KBTBD11: variants seen among roughly 807,000 people sequenced by gnomAD.
KBTBD11 encodes kelch repeat and BTB domain-containing protein 11.
For synonymous variants in KBTBD11, 747 were observed against 499.0 expected, an observed-to-expected ratio of 1.50 and a Z score of -6.63; for missense variants, 1,390 against 1,001.8, an observed-to-expected ratio of 1.39 and a Z score of -5.23.
intron 1 of KBTBD11, among the ~76,000 whole-genome samples, chr8:1,993,958 C>CACAAAAAAAAAAAA (rs1554527404): frequency 6.8e-6 from 1 of 148,134 alleles, no homozygotes; most frequent in East Asian, 2.0e-4. Context: ...CACACACACA[C>CACAAAAAAAAAAAA]AAAACCCCAT....
chr8:1,974,666 A>G, intron 1 of KBTBD11: 1 of 985,138 alleles, frequency 1.0e-6, no homozygotes, highest in Non-Finnish European at 1.2e-6. Flanking sequence ...CCCCCGCCCC[A>G]TGTGCTGGGG....
Position 2,004,215 on chromosome 8 carries a change from C to T in KBTBD11, c.*1151C>T, listed in dbSNP as rs745922355. The T allele has an allele frequency of 1.8e-5, 3 of 166,940 alleles. No homozygotes were observed. The highest frequency in any genetic ancestry group is 4.4e-5 in the Non-Finnish European group (3 of 68,120). The allele number at this position is 166,940 out of a possible 1,614,324, so 10.3% of individuals were successfully genotyped here. ...TATTTAATTGTATTGAATTGAGTTC[C>T]AAAATACCCTAATAGAATTAACACG... On this transcript the variant is annotated 3_prime_UTR_variant, in exon 2 of 2. Coordinates refer to ENST00000320248, the MANE Select transcript of KBTBD11 (RefSeq NM_014867.3).
rs970869739 is a variant in KBTBD11 at position 2,004,791 on chromosome 8, G to C, written c.*1727G>C. ...CTGACTTGATTGGCCTTTTATAGGA[G>C]TATACTGGAGAAATGGTTGTAGAAA... On this transcript the variant is annotated 3_prime_UTR_variant, in exon 2 of 2. Transcript: ENST00000320248. The C allele has an allele frequency of 6.0e-6, 1 of 167,056 alleles. No individual in the cohort carries two copies. The highest frequency in any genetic ancestry group is 1.5e-5 in the Non-Finnish European group (1 of 68,126). The allele number at this position is 167,056 out of a possible 1,614,324, so 10.3% of individuals were successfully genotyped here.
chr8:1,999,373 AT>A (rs1404600946), intron 1 of KBTBD11, among the ~76,000 whole-genome samples: 1 of 152,172 alleles, frequency 6.6e-6, no homozygotes, highest in Non-Finnish European at 1.5e-5. Context: ...CTGAACACGC[AT>A]TCTGTATAAA....
chr8:1,978,420 A>T (rs1213738827), intron 1 of KBTBD11, among the ~76,000 whole-genome samples: 1 of 152,210 alleles, frequency 6.6e-6, no homozygotes, highest in Non-Finnish European at 1.5e-5. Context: ...CGCCAGGAGG[A>T]TTCACACACT....
In KBTBD11 at chr8:1,993,371, G is replaced by A. The variant is rs866195449; in HGVS notation, c.-908-6914G>A. On this transcript the variant is annotated intron_variant, in intron 1 of 1. Coordinates refer to ENST00000320248, the MANE Select transcript of KBTBD11 (RefSeq NM_014867.3). ...TGTCCATCCATCGGTCCATCCGTCCGTCCGTCCGTCCGTCCGTCCGTCCAT... is the reference window on the plus strand; with the variant it reads ...TGTCCATCCATCGGTCCATCCGTCCATCCGTCCGTCCGTCCGTCCGTCCAT... 6.3e-3 allele frequency among the ~76,000 whole-genome samples: 763 copies of A among 120,920 alleles called. 20 individuals carry two copies. The highest frequency in any genetic ancestry group is 4.0e-3 in the East Asian group (16 of 3,956). The allele number at this position is 120,920 out of a possible 152,430, so 79.3% of individuals were successfully genotyped here. A position where few individuals can be genotyped will look rare whatever the true frequency, so the allele number is the denominator to read the frequency against.
In KBTBD11 at chr8:1,993,335, G is replaced by A. The variant is rs1028395435; in HGVS notation, c.-908-6950G>A. 4.4e-4 allele frequency among the ~76,000 whole-genome samples: 66 copies of A among 151,108 alleles called. 1 individual carries two copies. Among genetic ancestry groups the A allele is most frequent in the African/African-American group, 1.5e-3 (62 of 40,956 alleles). On this transcript the variant is annotated intron_variant, in intron 1 of 1. Transcript: ENST00000320248. ...CATCCATCCATCTATCCATCCAGTC[G>A]CCCATCTTTCTGTCCATCCATCGGT...
chr8:1,980,829 G>C (rs764258520), intron 1 of KBTBD11, among the ~76,000 whole-genome samples: 5 of 152,168 alleles, frequency 3.3e-5, no homozygotes, highest in Admixed American at 6.5e-5. Flanking sequence ...TACCGTTTTC[G>C]GCACGACTTT....
At chr8:1,998,334 G>A (rs1817218945) in intron 1 of KBTBD11, among the ~76,000 whole-genome samples, 1 of 152,182 alleles carries the variant, frequency 6.6e-6, no homozygotes, top group African/African-American at 2.4e-5. Context: ...TGGTGTGTCT[G>A]TTTCATCATG....
intron 1 of KBTBD11, among the ~76,000 whole-genome samples, chr8:1,999,509 C>T (rs369759539): frequency 2.6e-5 from 4 of 152,296 alleles, no homozygotes; most frequent in Non-Finnish European, 5.9e-5. Flanking sequence ...AGGGAGTGTC[C>T]GTGAAGCGTT....
At chr8:1,998,423 C>T (rs561702338) in intron 1 of KBTBD11, among the ~76,000 whole-genome samples, 250 of 152,336 alleles carry the variant, frequency 1.6e-3, no homozygotes, top group Middle Eastern at 0.014. Flanking sequence ...GAACTGATTT[C>T]ATAGGACTTT....
At chr8:1,976,443 A>G (rs562359232) in intron 1 of KBTBD11, 4 of 152,350 alleles carry the variant, frequency 2.6e-5, no homozygotes, top group South Asian at 2.1e-4. Flanking sequence ...CCTGCTAGAA[A>G]TGATTTTGAA....
At chr8:1,974,744 C>T (rs1008979735) in intron 1 of KBTBD11, 10 of 980,992 alleles carry the variant, frequency 1.0e-5, no homozygotes, top group Admixed American at 6.2e-5. Flanking sequence ...CATTCTGGAG[C>T]ATGAAAAGAG....
At chr8:1,985,346 C>T (rs1816675441) in intron 1 of KBTBD11, among the ~76,000 whole-genome samples, 1 of 152,246 alleles carries the variant, frequency 6.6e-6, no homozygotes, top group African/African-American at 2.4e-5. Context: ...CCTGACCTGG[C>T]CGACTCCCGC....
chr8:1,990,270 C>G (rs1222856003), intron 1 of KBTBD11, among the ~76,000 whole-genome samples: 17 of 134,972 alleles, frequency 1.3e-4, no homozygotes, highest in Non-Finnish European at 1.2e-4. Context: ...GGCGCCCTGT[C>G]TGGGTAGATG....
At chr8:1,986,992 G>A (rs1327296668) in intron 1 of KBTBD11, among the ~76,000 whole-genome samples, 2 of 114,610 alleles carry the variant, frequency 1.7e-5, no homozygotes, top group African/African-American at 3.6e-5. Context: ...GCAACATAGT[G>A]AGACCCTATC....
chr8:2,001,802 G>T lies in KBTBD11; in HGVS notation c.610G>T (p.Val204Leu). 1 of 1,238,292 alleles carries T rather than the reference G, an allele frequency of 8.1e-7. No homozygotes were observed. Among genetic ancestry groups the T allele is most frequent in the Non-Finnish European group, 1.0e-6 (1 of 994,884 alleles). The allele number at this position is 1,238,292 out of a possible 1,614,324, so 76.7% of individuals were successfully genotyped here. ...GRMAGVRPDN[V>L]AEVVAGARRL... Reference sequence around the variant, plus strand: ...CATGGCGGGCGTGCGGCCCGACAACGTGGCCGAGGTGGTGGCCGGCGCGCG... The same window carrying T: ...CATGGCGGGCGTGCGGCCCGACAACTTGGCCGAGGTGGTGGCCGGCGCGCG... The change falls in exon 2 of 2, where the codon GTG (valine) becomes TTG (leucine). Residue 204 changes from valine (V) to leucine (L), a missense_variant. Coordinates refer to ENST00000320248, the MANE Select transcript of KBTBD11 (RefSeq NM_014867.3).
intron 1 of KBTBD11, among the ~76,000 whole-genome samples, chr8:1,996,999 G>T (rs1287914109): frequency 6.6e-6 from 1 of 151,904 alleles, no homozygotes; most frequent in East Asian, 1.9e-4. Context: ...GTCACTCCCT[G>T]TCTCCCCCGC....
intron 1 of KBTBD11, chr8:1,974,581 C>T: frequency 2.0e-6 from 2 of 985,006 alleles, no homozygotes; most frequent in Non-Finnish European, 2.4e-6. Context: ...TGCTGACCCC[C>T]GCGAGCCCCG....
Sources: allele counts gnomAD v4.1 joint callset (sites outside exome capture counted in the v4.1 genomes callset), GRCh38; gene constraint gnomAD v4.1.1; transcripts MANE v1.5; gene names NCBI Gene and HGNC (gene_info 2026-07-23, HGNC 2026-07-21).